TSTD2: variants seen among roughly 807,000 people sequenced by gnomAD.
TSTD2 encodes thiosulfate sulfurtransferase like domain containing 2, also known as thiosulfate sulfurtransferase/rhodanese-like domain-containing protein 2.
Under a neutral mutation model 47.9 loss-of-function variants are expected in TSTD2, and 37 were observed. The observed-to-expected ratio is 0.77, with a 90% CI of 0.59 to 1.02. TSTD2 has a LOEUF of 1.02. Ranked by LOEUF, TSTD2 falls within the 50% of genes least tolerant of loss-of-function variation. The probability of loss-of-function intolerance (pLI) is 0.00; values close to 1 mark genes in which losing one functional copy is unlikely to be tolerated. For missense variants in TSTD2, 586 were observed against 616.0 expected (o/e 0.95, Z 0.52); for synonymous variants, 201 against 215.9 (o/e 0.93, Z 0.61).
chr9:97,602,423 C>T lies in TSTD2; in HGVS notation c.*46G>A, dbSNP rs746631445. 7.9e-5 allele frequency: 121 copies of T among 1,540,026 alleles called. No homozygotes were observed. Among genetic ancestry groups the T allele is most frequent in the Non-Finnish European group, 1.0e-4 (118 of 1,141,394 alleles). On this transcript the variant is annotated 3_prime_UTR_variant, in exon 10 of 10. Coordinates refer to ENST00000341170, the MANE Select transcript of TSTD2 (RefSeq NM_139246.5). The stretch of plus-strand genomic sequence containing the variant: ...CCATGCTTTCTCTGTATAGTCACCC[C>T]AAACCTACTTTTACCGAGGGCCTGG...
chr9:97,600,684 T>C lies in TSTD2; in HGVS notation c.*1785A>G. On this transcript the variant is annotated 3_prime_UTR_variant, in exon 10 of 10. Coordinates refer to ENST00000341170, the MANE Select transcript of TSTD2 (RefSeq NM_139246.5). The stretch of plus-strand genomic sequence containing the variant: ...CAAATTGCTGCTGACCTTACGCCTG[T>C]ATATTAAGCCTCCGCAGGATGCCGG... 1 of 998,814 alleles carries C rather than the reference T, an allele frequency of 1.0e-6. No homozygotes were observed. The highest frequency in any genetic ancestry group is 1.2e-6 in the Non-Finnish European group (1 of 838,180). 61.9% of individuals were successfully genotyped at this position (998,814 alleles called of 1,614,324 possible).
intron 3 of TSTD2, among the ~76,000 whole-genome samples, chr9:97,623,512 AT>A (rs1224119772): frequency 6.6e-6 from 1 of 152,106 alleles, no homozygotes; most frequent in Non-Finnish European, 1.5e-5. Context: ...AAATAATATA[AT>A]TTTCTTTCTT....
chr9:97,617,615 T>C, intron 4 of TSTD2, 142 bp downstream of exon 4: 1 of 1,094,564 alleles, frequency 9.1e-7, no homozygotes, highest in Non-Finnish European at 1.2e-6. Context: ...TGCCTAATAT[T>C]CTACTTAAAT....
At position 97,601,250 on chromosome 9, in the gene TSTD2, A is replaced by G; in HGVS notation, c.*1219T>C. 1 of 1,230,068 alleles carries G rather than the reference A, an allele frequency of 8.1e-7. No individual in the cohort carries two copies. The highest frequency in any genetic ancestry group is 1.1e-6 in the Non-Finnish European group (1 of 948,672). The allele number at this position is 1,230,068 out of a possible 1,614,324, so 76.2% of individuals were successfully genotyped here. A position where few individuals can be genotyped will look rare whatever the true frequency, so the allele number is the denominator to read the frequency against. On this transcript the variant is annotated 3_prime_UTR_variant, in exon 10 of 10. Transcript: ENST00000341170. ...AATATAATATTAAATCTGTTGGTCT[A>G]TGCATGGCTGCGTATGTGTTTCTTG... is the stretch of plus-strand genomic sequence containing the variant.
intron 1 of TSTD2, among the ~76,000 whole-genome samples, chr9:97,631,843 C>CA (rs57184912): frequency 0.27 from 39,218 of 146,906 alleles, 5,959 homozygotes; most frequent in East Asian, 0.47. Flanking sequence ...GACCCTGTCT[C>CA]AAAAAAAAAA....
In TSTD2 at chr9:97,627,628, G is replaced by T; in HGVS notation, c.-50-16C>A. 7.2e-7 allele frequency: 1 copy of T among 1,387,436 alleles called. No individual in the cohort carries two copies. The highest frequency in any genetic ancestry group is 9.6e-7 in the Non-Finnish European group (1 of 1,037,060). The allele number at this position is 1,387,436 out of a possible 1,614,324, so 85.9% of individuals were successfully genotyped here. ...TAAATACCTCCTAGAATATAAATAA[G>T]AAAGAAGCAGCCATGCTATTCTTTG... is the stretch of plus-strand genomic sequence containing the variant. On this transcript the variant is annotated splice_polypyrimidine_tract_variant and intron_variant, in intron 1 of 9. Coordinates refer to ENST00000341170, the MANE Select transcript of TSTD2 (RefSeq NM_139246.5).
At position 97,602,255 on chromosome 9, in the gene TSTD2, T is replaced by G; in HGVS notation, c.*214A>C. 1.7e-6 allele frequency: 1 copy of G among 573,830 alleles called. No homozygotes were observed. Among genetic ancestry groups the G allele is most frequent in the Non-Finnish European group, 2.9e-6 (1 of 339,554 alleles). The allele number at this position is 573,830 out of a possible 1,614,324, so 35.5% of individuals were successfully genotyped here. On this transcript the variant is annotated 3_prime_UTR_variant, in exon 10 of 10. Transcript: ENST00000341170. ...TCCCATGCAGCTCACCTATTTTCTG[T>G]GCTCTAGCATCATCCAAATCAGAAT...
intron 4 of TSTD2, among the ~76,000 whole-genome samples, chr9:97,615,639 T>C (rs1424577238): frequency 6.6e-6 from 1 of 152,250 alleles, no homozygotes; most frequent in Non-Finnish European, 1.5e-5. Flanking sequence ...CATGTATCCT[T>C]GACACCTAGG....
At chr9:97,623,510 T>C (rs1826672275) in intron 3 of TSTD2, among the ~76,000 whole-genome samples, 1 of 152,226 alleles carries the variant, frequency 6.6e-6, no homozygotes. Flanking sequence ...GAAAATAATA[T>C]AATTTTCTTT....
intron 3 of TSTD2, among the ~76,000 whole-genome samples, chr9:97,618,243 G>A (rs1386608500): frequency 6.6e-6 from 1 of 152,268 alleles, no homozygotes; most frequent in South Asian, 2.1e-4. Flanking sequence ...ATACAAAAAA[G>A]TTTCACTTCC....
Position 97,627,624 on chromosome 9 carries a change from A to G in TSTD2, c.-50-12T>C. 7.1e-7 allele frequency: 1 copy of G among 1,412,606 alleles called. No individual in the cohort carries two copies. The highest frequency in any genetic ancestry group is 1.5e-5 in the South Asian group (1 of 64,934). 87.5% of individuals were successfully genotyped at this position (1,412,606 alleles called of 1,614,324 possible). A position where few individuals can be genotyped will look rare whatever the true frequency, so the allele number is the denominator to read the frequency against. On this transcript the variant is annotated splice_polypyrimidine_tract_variant and intron_variant, in intron 1 of 9. Transcript: ENST00000341170. ...CAGTTAAATACCTCCTAGAATATAA[A>G]TAAGAAAGAAGCAGCCATGCTATTC... is the stretch of plus-strand genomic sequence containing the variant.
rs777837523 is a variant in TSTD2, at chr9:97,606,216, A to C, written c.881T>G (p.Phe294Cys). Residue 294 changes from phenylalanine (F) to cysteine (C), a missense_variant, in exon 7 of 10, where the codon TTT becomes TGT. By Grantham distance (205) the Phe-to-Cys change is radical. Transcript: ENST00000341170. ...PGEFHKEVEK[F>C]LSQANQEQSD... is the part of the protein sequence containing the mutation. ...TTGTTCTTGATTTGCCTGAGATAAA[A>C]ACTTTTCTACTTCTTTATGAAATTC... The C allele has an allele frequency of 2.5e-6, 4 of 1,612,012 alleles. No individual in the cohort carries two copies. The highest frequency in any genetic ancestry group is 3.4e-6 in the Non-Finnish European group (4 of 1,179,300).
rs752400533 is a variant in TSTD2 at position 97,602,364 on chromosome 9, T to C, written c.*105A>G. 54 of 1,379,934 alleles carry C rather than the reference T, an allele frequency of 3.9e-5. No individual in the cohort carries two copies. The highest frequency in any genetic ancestry group is 5.1e-5 in the Non-Finnish European group (53 of 1,038,474). 85.5% of individuals were successfully genotyped at this position (1,379,934 alleles called of 1,614,324 possible). A position where few individuals can be genotyped will look rare whatever the true frequency, so the allele number is the denominator to read the frequency against. On this transcript the variant is annotated 3_prime_UTR_variant, in exon 10 of 10. Coordinates refer to ENST00000341170, the MANE Select transcript of TSTD2 (RefSeq NM_139246.5). ...CTGCCACGGTGGCAGCGGCCAGAAC[T>C]GAAGTTCCCGATTTCTCTGTTTCTG...
chr9:97,615,695 G>A (rs947111638), intron 4 of TSTD2, among the ~76,000 whole-genome samples: 4 of 152,190 alleles, frequency 2.6e-5, no homozygotes, highest in African/African-American at 7.2e-5. Flanking sequence ...TTGTGGGTAA[G>A]ATCCCTCATT....
At chr9:97,631,141 C>T (rs542099832) in intron 1 of TSTD2, among the ~76,000 whole-genome samples, 1 of 152,140 alleles carries the variant, frequency 6.6e-6, no homozygotes, top group East Asian at 1.9e-4. Flanking sequence ...TTTTTTGAGA[C>T]GGTTTTCGTT....
At chr9:97,626,664 T>C (rs1247749763) in intron 2 of TSTD2, among the ~76,000 whole-genome samples, 2 of 152,224 alleles carry the variant, frequency 1.3e-5, no homozygotes, top group African/African-American at 4.8e-5. Flanking sequence ...AAAAGCCATG[T>C]TGAATGAGCA....
intron 4 of TSTD2, among the ~76,000 whole-genome samples, chr9:97,617,031 A>T (rs1826554202): frequency 6.6e-6 from 1 of 152,240 alleles, no homozygotes; most frequent in Non-Finnish European, 1.5e-5. Flanking sequence ...AGAATACATC[A>T]ATTAAGACCA....
intron 3 of TSTD2, among the ~76,000 whole-genome samples, chr9:97,619,846 C>A (rs965942868): frequency 1.3e-5 from 2 of 152,078 alleles, no homozygotes; most frequent in African/African-American, 4.8e-5. Context: ...ATTCCTGACC[C>A]CGTGTTTTTC....
In TSTD2 at chr9:97,611,662, C is replaced by T. The variant is rs751553437; in HGVS notation, c.641G>A (p.Gly214Asp). The T allele has an allele frequency of 1.2e-6, 2 of 1,611,180 alleles. No homozygotes were observed. The highest frequency in any genetic ancestry group is 2.7e-5 in the African/African-American group (2 of 74,884). ...IAAEGINGTV[G>D]GSKLATRLYV... is the part of the protein sequence containing the mutation. ...AAGTCTGGTAGCCAATTTGCTTCCACCAACTGTCCCATTGATTCCTTCTGC... is the reference window on the plus strand; with the variant it reads ...AAGTCTGGTAGCCAATTTGCTTCCATCAACTGTCCCATTGATTCCTTCTGC... Residue 214 changes from glycine (G) to aspartate (D), a missense_variant, in exon 5 of 10, where the codon GGT becomes GAT. Coordinates refer to ENST00000341170, the MANE Select transcript of TSTD2 (RefSeq NM_139246.5).
Sources: allele counts gnomAD v4.1 joint callset (sites outside exome capture counted in the v4.1 genomes callset), GRCh38; gene constraint gnomAD v4.1.1; transcripts MANE v1.5; gene names NCBI Gene and HGNC (gene_info 2026-07-23, HGNC 2026-07-21).